CGNL1: variants seen among roughly 807,000 people sequenced by gnomAD.
CGNL1 encodes cingulin like 1.
In CGNL1, 132 loss-of-function variants were observed where a neutral mutation model predicts 141.2. That is an observed-to-expected ratio of 0.93 (90% CI 0.81 to 1.08). The LOEUF is 1.08. CGNL1 is among the 50% of genes least tolerant of loss of function. CGNL1 has a pLI of 0.00. For synonymous variants in CGNL1, 690 were observed against 622.1 expected, an observed-to-expected ratio of 1.11 and a Z score of -1.63; for missense variants, 1,870 against 1,588.6, an observed-to-expected ratio of 1.18 and a Z score of -3.01.
chr15:57,384,035 G>A (rs567078287), intron 1 of CGNL1, among the ~76,000 whole-genome samples: 8 of 149,274 alleles, frequency 5.4e-5, no homozygotes, highest in Non-Finnish European at 8.9e-5. Context: ...AACAGTCTGT[G>A]CTGCCTTGGG....
intron 8 of CGNL1, among the ~76,000 whole-genome samples, chr15:57,499,501 G>A (rs1180226970): frequency 1.3e-5 from 2 of 152,102 alleles, no homozygotes; most frequent in African/African-American, 2.4e-5. Context: ...GCCTCCCAAA[G>A]TGCTGGGATT....
chr15:57,493,047 T>A (rs2152380170), intron 8 of CGNL1, among the ~76,000 whole-genome samples: 1 of 152,216 alleles, frequency 6.6e-6, no homozygotes, highest in East Asian at 1.9e-4. Flanking sequence ...AGTGTATGAG[T>A]ATGATTCTGA....
intron 1 of CGNL1, among the ~76,000 whole-genome samples, chr15:57,387,867 T>A (rs968341923): frequency 6.6e-6 from 1 of 152,196 alleles, no homozygotes; most frequent in Non-Finnish European, 1.5e-5. Flanking sequence ...TGGGCCAGAT[T>A]TGTAGCTTGT....
chr15:57,500,074 A>G, intron 8 of CGNL1, among the ~76,000 whole-genome samples: 1 of 152,252 alleles, frequency 6.6e-6, no homozygotes, highest in East Asian at 1.9e-4. Context: ...CTTGCTTTCT[A>G]GCAGTGACTG....
At chr15:57,402,241 T>G (rs2062668446) in intron 1 of CGNL1, among the ~76,000 whole-genome samples, 1 of 152,192 alleles carries the variant, frequency 6.6e-6, no homozygotes, top group African/African-American at 2.4e-5. Context: ...GAGAGCTGGT[T>G]GCTTAAAAGG....
chr15:57,441,649 G>A (rs2063188689), intron 3 of CGNL1, among the ~76,000 whole-genome samples: 4 of 152,196 alleles, frequency 2.6e-5, no homozygotes, highest in South Asian at 2.1e-4. Flanking sequence ...GATGACAGAC[G>A]TGAGCCACCG....
chr15:57,392,028 A>C (rs1484768171), intron 1 of CGNL1, among the ~76,000 whole-genome samples: 1 of 150,802 alleles, frequency 6.6e-6, no homozygotes, highest in African/African-American at 2.5e-5. Context: ...TCAGCACCAT[A>C]AGATGGTGAA....
intron 1 of CGNL1, chr15:57,398,547 G>C (rs2062627027): frequency 6.6e-6 from 1 of 152,206 alleles, no homozygotes; most frequent in African/African-American, 2.4e-5. Context: ...GGGAAGCACT[G>C]TGAGCTCTGA....
chr15:57,452,026 GT>G, intron 5 of CGNL1, 114 bp from the exon 6 acceptor site: 1 of 851,396 alleles, frequency 1.2e-6, no homozygotes, highest in East Asian at 2.7e-5. Context: ...GTTTGATTAA[GT>G]TGTTTAATAA....
At chr15:57,444,811 T>G (rs555409825) in intron 4 of CGNL1, among the ~76,000 whole-genome samples, 1 of 152,292 alleles carries the variant, frequency 6.6e-6, no homozygotes, top group East Asian at 1.9e-4. Flanking sequence ...ACATTGGAAG[T>G]TGGAAGTTAT....
At chr15:57,516,729 A>G (rs972231413) in intron 8 of CGNL1, 51 bp from the exon 9 acceptor site, 29 of 1,567,498 alleles carry the variant, frequency 1.9e-5, no homozygotes, top group Non-Finnish European at 2.4e-5. Flanking sequence ...CAGCCTGGGG[A>G]CAGCTCCTTG....
At chr15:57,511,531 G>C (rs1281325991) in intron 8 of CGNL1, among the ~76,000 whole-genome samples, 2 of 152,170 alleles carry the variant, frequency 1.3e-5, no homozygotes, top group Non-Finnish European at 2.9e-5. Context: ...TAATTTTGAT[G>C]GATACTACCA....
intron 18 of CGNL1, 94 bp from the exon 19 acceptor site, chr15:57,547,261 G>A: frequency 2.9e-6 from 4 of 1,397,002 alleles, no homozygotes; most frequent in Admixed American, 3.9e-5. Flanking sequence ...TCAGTGGGGT[G>A]CAGGGACAGC....
At chr15:57,531,602 C>T in intron 13 of CGNL1, 88 bp from the exon 14 acceptor site, 3 of 824,746 alleles carry the variant, frequency 3.6e-6, no homozygotes, top group South Asian at 2.9e-5. Context: ...CTCATTTGCC[C>T]TTAGGATTGT....
At chr15:57,420,582 C>G (rs879440489) in intron 1 of CGNL1, among the ~76,000 whole-genome samples, 3 of 152,154 alleles carry the variant, frequency 2.0e-5, no homozygotes, top group Non-Finnish European at 4.4e-5. Context: ...TAATGCATTC[C>G]TCTATGGGAA....
At chr15:57,514,075 C>T (rs2030566398) in intron 8 of CGNL1, among the ~76,000 whole-genome samples, 1 of 152,060 alleles carries the variant, frequency 6.6e-6, no homozygotes, top group Admixed American at 6.5e-5. Context: ...TTTGCATTTC[C>T]CTAATGACTA....
At chr15:57,413,621 C>T (rs1224320689) in intron 1 of CGNL1, among the ~76,000 whole-genome samples, 2 of 152,220 alleles carry the variant, frequency 1.3e-5, no homozygotes, top group Non-Finnish European at 2.9e-5. Context: ...TTCCTGGCCG[C>T]TCTTTTTTCT....
rs1291475942 is a variant in CGNL1 at position 57,435,407 on chromosome 15, G to GGTTTTT, written c.-15-2578_-15-2577insGTTTTT. Among the ~76,000 whole-genome samples, 20 of 96,860 alleles carry GGTTTTT rather than the reference G, an allele frequency of 2.1e-4. 5 individuals carry two copies. Among genetic ancestry groups the GGTTTTT allele is most frequent in the Non-Finnish European group, 3.7e-4 (16 of 42,870 alleles). The allele number at this position is 96,860 out of a possible 152,430, so 63.5% of individuals were successfully genotyped here. ...TAGAAGAAATAGCTGAAATTTGCAG[G>GGTTTTT]TTTTTTTGTTTTTTTTTTTTTCCTC... On this transcript the variant is annotated intron_variant, in intron 1 of 18. Coordinates refer to ENST00000281282, the MANE Select transcript of CGNL1 (RefSeq NM_032866.5).
At chr15:57,450,195 C>T (rs1249428934) in intron 4 of CGNL1, among the ~76,000 whole-genome samples, 3 of 152,206 alleles carry the variant, frequency 2.0e-5, no homozygotes, top group African/African-American at 7.2e-5. Flanking sequence ...GTTTCTGTTA[C>T]TCCACATCCT....
Sources: gnomAD v4.1 joint callset for allele counts (sites outside exome capture counted in the v4.1 genomes callset) on GRCh38, gnomAD v4.1.1 for gene constraint, MANE v1.5 for transcripts, NCBI Gene and HGNC (gene_info 2026-07-23, HGNC 2026-07-21) for gene names.